PEX14: variants seen among roughly 807,000 people sequenced by gnomAD.
PEX14 encodes peroxisomal biogenesis factor 14.
In PEX14, 15 loss-of-function variants were observed where a neutral mutation model predicts 49.5. The observed-to-expected ratio is 0.30, with a 90% CI of 0.20 to 0.47. The LOEUF is 0.47. PEX14 is among the 20% of genes least tolerant of loss of function. The pLI is 1.00. For synonymous variants in PEX14, 210 were observed against 212.7 expected, an observed-to-expected ratio of 0.99 and a Z score of 0.11; for missense variants, 398 against 494.8, an observed-to-expected ratio of 0.80 and a Z score of 1.86.
intron 2 of PEX14, among the ~76,000 whole-genome samples, chr1:10,522,331 C>G (rs962430180): frequency 2.0e-5 from 3 of 152,214 alleles, no homozygotes; most frequent in Admixed American, 6.5e-5. Flanking sequence ...TGTTGCCAGA[C>G]AGAGAACGAG....
chr1:10,508,155 T>G (rs1326366924), intron 2 of PEX14, among the ~76,000 whole-genome samples: 4 of 152,208 alleles, frequency 2.6e-5, no homozygotes, highest in Admixed American at 2.0e-4. Flanking sequence ...AAATGACTTA[T>G]TTCAGAAACA....
In PEX14 at chr1:10,624,360, C is replaced by G. The variant is rs368473343; in HGVS notation, c.508C>G (p.Leu170Val). 1 of 1,613,028 alleles carries G rather than the reference C, an allele frequency of 6.2e-7. No homozygotes were observed. Among genetic ancestry groups the G allele is most frequent in the African/African-American group, 1.3e-5 (1 of 75,040 alleles). ...AQTVTQLQTTLASVQELLIQQ... is the reference protein window; with the variant it reads ...AQTVTQLQTTVASVQELLIQQ... ...CGCAGTGACTCAGTTACAGACGACCCTCGCCTCCGTCCAGGAGCTGCTGAT... is the reference window on the plus strand; with the variant it reads ...CGCAGTGACTCAGTTACAGACGACCGTCGCCTCCGTCCAGGAGCTGCTGAT... The change falls in exon 7 of 9, where the codon CTC becomes GTC. Residue 170 changes from leucine to valine, a missense_variant. Physicochemically the swap from Leu to Val is conservative, Grantham distance 32. This residue lies in a region of PEX14 where 202 missense variants were observed against 298.5 expected (regional missense o/e 0.68). Transcript: ENST00000356607.
chr1:10,542,627 G>T (rs1238553972), intron 3 of PEX14, among the ~76,000 whole-genome samples: 5 of 152,136 alleles, frequency 3.3e-5, no homozygotes, highest in Non-Finnish European at 7.3e-5. Flanking sequence ...TCGGCGTGGT[G>T]GTATGCGCCT....
rs1640919289 is a variant in PEX14 at position 10,599,333 on chromosome 1, G to A, written c.265G>A (p.Val89Ile). 9 of 1,614,058 alleles carry A rather than the reference G, an allele frequency of 5.6e-6. No individual in the cohort carries two copies. Among genetic ancestry groups the A allele is most frequent in the Non-Finnish European group, 7.6e-6 (9 of 1,180,028 alleles). Residue 89 changes from valine to isoleucine, a missense_variant, in exon 4 of 9, where the codon GTC becomes ATC. Coordinates refer to ENST00000356607, the MANE Select transcript of PEX14 (RefSeq NM_004565.3). ...SLGPATQVVPVQPPHLISQPY... is the reference protein window; with the variant it reads ...SLGPATQVVPIQPPHLISQPY... ...GGGCCCAGCCACACAGGTGGTTCCT[G>A]TCCAGCCCCCTCACCTCATATCTCA...
intron 3 of PEX14, among the ~76,000 whole-genome samples, chr1:10,585,749 GTC>G (rs1337076594): frequency 6.6e-6 from 1 of 152,110 alleles, no homozygotes; most frequent in East Asian, 1.9e-4. Flanking sequence ...GCGAAACCCT[GTC>G]TCTATGCAGT....
chr1:10,508,884 G>A (rs1389943863), intron 2 of PEX14, among the ~76,000 whole-genome samples: 2 of 152,146 alleles, frequency 1.3e-5, no homozygotes, highest in Non-Finnish European at 2.9e-5. Flanking sequence ...GGAAGGGTGG[G>A]AGTTTCCATC....
At position 10,553,257 on chromosome 1, in the gene PEX14, G is replaced by C. The variant is rs908326250; in HGVS notation, c.169+16960G>C. ...GCTGAATGGATGCAAGAGTGAAGAAGAGGGAAGAGTCTGGGCTCACTGTCC... is the reference window on the plus strand; with the variant it reads ...GCTGAATGGATGCAAGAGTGAAGAACAGGGAAGAGTCTGGGCTCACTGTCC... On this transcript the variant is annotated intron_variant, in intron 3 of 8. Transcript: ENST00000356607. Among the ~76,000 whole-genome samples, 2 of 152,194 alleles carry C rather than the reference G, an allele frequency of 1.3e-5. 1 individual carries two copies. Among genetic ancestry groups the C allele is most frequent in the African/African-American group, 4.8e-5 (2 of 41,442 alleles).
chr1:10,488,962 A>G (rs537337400), intron 1 of PEX14, among the ~76,000 whole-genome samples: 6 of 152,110 alleles, frequency 3.9e-5, no homozygotes, highest in African/African-American at 1.2e-4. Flanking sequence ...GCTTCTTGAC[A>G]TATGTTGAAA....
chr1:10,618,876 C>A (rs901297310), intron 5 of PEX14, among the ~76,000 whole-genome samples: 4 of 152,212 alleles, frequency 2.6e-5, no homozygotes, highest in Admixed American at 2.6e-4. Flanking sequence ...AATAACAGTC[C>A]CCACTTCACA....
chr1:10,495,372 C>T lies in PEX14; in HGVS notation c.84+51C>T, dbSNP rs555378444. Reference sequence around the variant, plus strand: ...ACTTTCTAGTAATTAAAATGCCACGCGAGTGAAAAGAAACCTTCTGTTCCT... The same window carrying T: ...ACTTTCTAGTAATTAAAATGCCACGTGAGTGAAAAGAAACCTTCTGTTCCT... On this transcript the variant is annotated intron_variant, in intron 2 of 8. Coordinates refer to ENST00000356607, the MANE Select transcript of PEX14 (RefSeq NM_004565.3). The surrounding 1 kb of genome is among the most constrained non-coding windows in gnomAD (Gnocchi z 4.2). 6.2e-5 allele frequency: 90 copies of T among 1,450,382 alleles called. 1 individual carries two copies. In the South Asian group the frequency reaches 8.8e-4, roughly 14 times the overall value. The allele number at this position is 1,450,382 out of a possible 1,614,324, so 89.8% of individuals were successfully genotyped here.
At chr1:10,487,155 T>C (rs552726394) in intron 1 of PEX14, among the ~76,000 whole-genome samples, 3 of 152,312 alleles carry the variant, frequency 2.0e-5, no homozygotes, top group South Asian at 4.1e-4. Context: ...ATTGGATAAA[T>C]TCTACTCGAT....
chr1:10,562,751 G>A (rs919089865), intron 3 of PEX14, among the ~76,000 whole-genome samples: 2 of 152,092 alleles, frequency 1.3e-5, no homozygotes, highest in African/African-American at 4.8e-5. Flanking sequence ...ACCTTCTGAG[G>A]AGATACTTCG....
At chr1:10,615,613 A>G (rs1641391381) in intron 4 of PEX14, among the ~76,000 whole-genome samples, 1 of 152,248 alleles carries the variant, frequency 6.6e-6, no homozygotes, top group African/African-American at 2.4e-5. Flanking sequence ...CTGCAAATGC[A>G]CACGCCCTGG....
intron 2 of PEX14, among the ~76,000 whole-genome samples, chr1:10,516,647 C>T (rs1456810072): frequency 6.6e-6 from 1 of 152,256 alleles, no homozygotes; most frequent in Non-Finnish European, 1.5e-5. Flanking sequence ...TCCCAGCTAA[C>T]ATGGGTACAA....
chr1:10,607,066 T>C (rs1260463487), intron 4 of PEX14, among the ~76,000 whole-genome samples: 1 of 152,220 alleles, frequency 6.6e-6, no homozygotes, highest in Non-Finnish European at 1.5e-5. Flanking sequence ...CTGATCTGCT[T>C]TCTATTACTA....
chr1:10,489,050 G>C (rs1641423189), intron 1 of PEX14, among the ~76,000 whole-genome samples: 1 of 152,030 alleles, frequency 6.6e-6, no homozygotes, highest in South Asian at 2.1e-4. Context: ...GCGCGATCTC[G>C]GCTCACCGCA....
chr1:10,626,760 G>A (rs1042518973), intron 7 of PEX14, among the ~76,000 whole-genome samples: 5 of 152,238 alleles, frequency 3.3e-5, no homozygotes, highest in Non-Finnish European at 1.5e-5. Context: ...CCAGCAGCTC[G>A]CATTTGGGGA....
intron 3 of PEX14, among the ~76,000 whole-genome samples, chr1:10,586,915 C>G (rs1350330218): frequency 6.6e-6 from 1 of 151,276 alleles, no homozygotes; most frequent in East Asian, 2.0e-4. Flanking sequence ...GCTGGGATTA[C>G]AGGTGTGAAT....
chr1:10,477,921 C>G (rs914116463), intron 1 of PEX14, among the ~76,000 whole-genome samples: 7 of 152,182 alleles, frequency 4.6e-5, no homozygotes, highest in African/African-American at 1.7e-4. Context: ...CCGAGTCTCA[C>G]TCTGTTGACC....
Sources: allele counts gnomAD v4.1 joint callset (sites outside exome capture counted in the v4.1 genomes callset), GRCh38; gene constraint gnomAD v4.1.1; regional missense constraint gnomAD v4.1.1; non-coding constraint Gnocchi (gnomAD v3.1); transcripts MANE v1.5; gene names NCBI Gene and HGNC (gene_info 2026-07-23, HGNC 2026-07-21).